Variants in CES3 observed in about 807,000 individuals in gnomAD.
CES3 encodes the protein carboxylesterase 3 (brain).
A neutral mutation model predicts 57.6 loss-of-function variants in CES3; 49 were observed. That is an observed-to-expected ratio of 0.85 (90% CI 0.68 to 1.08). The LOEUF (loss-of-function observed/expected upper bound fraction) is 1.08. Ranked by LOEUF, CES3 falls within the 50% of genes least tolerant of loss-of-function variation. CES3 has a pLI of 0.00. For missense variants in CES3, 645 were observed against 742.0 expected (o/e 0.87, Z 1.52); for synonymous variants, 266 against 281.6 (o/e 0.94, Z 0.55).
In CES3 at chr16:66,964,072, AC is replaced by A. The variant is rs981859834; in HGVS notation, c.560+143del. ...CATGATGTCTGAGGCAGAGAAGGGC[AC>A]CCCCCAAGCCTCCACCCTGGGAGAG... On this transcript the variant is annotated intron_variant, in intron 4 of 12. Coordinates refer to ENST00000303334, the MANE Select transcript of CES3 (RefSeq NM_024922.6). The A allele has an allele frequency of 1.9e-5, 25 of 1,322,312 alleles. No homozygotes were observed. In the African/African-American group the frequency reaches 2.1e-4, roughly 11 times the overall value. The allele number at this position is 1,322,312 out of a possible 1,614,324, so 81.9% of individuals were successfully genotyped here. A position where few individuals can be genotyped will look rare whatever the true frequency, so the allele number is the denominator to read the frequency against.
intron 9 of CES3, among the ~76,000 whole-genome samples, chr16:66,970,440 C>T (rs946337414): frequency 3.3e-5 from 5 of 152,246 alleles, no homozygotes; most frequent in African/African-American, 1.2e-4. Flanking sequence ...TTCTCGCTAG[C>T]CCCATTTTAC....
At chr16:66,969,862 A>G (rs111837355) in intron 9 of CES3, 103 bp downstream of exon 9, 24 of 981,012 alleles carry the variant, frequency 2.4e-5, no homozygotes, top group African/African-American at 1.9e-4. Flanking sequence ...CGACACCCAC[A>G]GCTACCCACC....
At chr16:66,971,367 G>A in intron 10 of CES3, 48 bp downstream of exon 10, 1 of 1,588,170 alleles carries the variant, frequency 6.3e-7, no homozygotes, top group African/African-American at 1.3e-5. Flanking sequence ...CTTGGGCCCA[G>A]GAGCTGGGTC....
chr16:66,972,160 A>G (rs1963844252), intron 10 of CES3, among the ~76,000 whole-genome samples, 196 bp from the exon 11 acceptor site: 1 of 152,180 alleles, frequency 6.6e-6, no homozygotes, highest in Admixed American at 6.5e-5. Context: ...TATTAAATTA[A>G]ATTAAAATGA....
At chr16:66,970,711 A>G (rs2145540285) in intron 9 of CES3, among the ~76,000 whole-genome samples, 1 of 152,326 alleles carries the variant, frequency 6.6e-6, no homozygotes, top group African/African-American at 2.4e-5. Context: ...TCTACCTGGG[A>G]TCTCAATACC....
rs1274285905 is a variant in CES3 at position 66,963,459 on chromosome 16, C to A, written c.288-32C>A. ...TGCTGCTGGGGCTTGTGGGGCTGAA[C>A]AGCTGGACCTCAGGCCCACCCTTGG... On this transcript the variant is annotated intron_variant, in intron 2 of 12. Transcript: ENST00000303334. This position sits in a 1 kb window ranked among gnomAD's most constrained non-coding sequence, Gnocchi z 4.9. 2 of 1,609,072 alleles carry A rather than the reference C, an allele frequency of 1.2e-6. No homozygotes were observed. The highest frequency in any genetic ancestry group is 1.7e-6 in the Non-Finnish European group (2 of 1,175,992).
chr16:66,971,973 C>T (rs898071491), intron 10 of CES3, among the ~76,000 whole-genome samples: 4 of 151,942 alleles, frequency 2.6e-5, no homozygotes, highest in Non-Finnish European at 5.9e-5. Context: ...AATCTCTACA[C>T]AAATTTTTTG....
Position 66,961,455 on chromosome 16 carries a change from A to C in CES3, c.82+66A>C, listed in dbSNP as rs954621000. On this transcript the variant is annotated intron_variant, in intron 1 of 12. Coordinates refer to ENST00000303334, the MANE Select transcript of CES3 (RefSeq NM_024922.6). ...GAGGAGTCAAGAGTGAGACAGGGAC[A>C]GGGAGCAGTGGGCCGACCGCTCAGG... 12 of 1,351,070 alleles carry C rather than the reference A, an allele frequency of 8.9e-6. No individual in the cohort carries two copies. In the African/African-American group the frequency reaches 1.6e-4, roughly 18 times the overall value. 83.7% of individuals were successfully genotyped at this position (1,351,070 alleles called of 1,614,324 possible).
Position 66,963,195 on chromosome 16 carries a change from G to A in CES3, c.99G>A (p.Gln33=), listed in dbSNP as rs1488247767. Residue 33 remains glutamine, a synonymous_variant, in exon 2 of 13, where the codon CAG becomes CAA. Coordinates refer to ENST00000303334, the MANE Select transcript of CES3 (RefSeq NM_024922.6). The surrounding 1 kb of genome is among the most constrained non-coding windows in gnomAD (Gnocchi z 4.9). The part of the protein sequence containing the change: ...PATATGPEVA[Q]PEVDTTLGRV... ...TTCCCTCAGGGCCCGAAGTTGCTCA[G>A]CCTGAAGTAGACACCACCCTGGGTC... is the stretch of plus-strand genomic sequence containing the variant. The A allele has an allele frequency of 6.2e-7, 1 of 1,614,252 alleles. No homozygotes were observed. The highest frequency in any genetic ancestry group is 8.5e-7 in the Non-Finnish European group (1 of 1,180,044).
Position 66,963,516 on chromosome 16 carries a change from A to T in CES3, c.313A>T (p.Asn105Tyr), listed in dbSNP as rs1334158472. ...PMCLQDVESM[N>Y]SSRFVLNGKQ... The stretch of plus-strand genomic sequence containing the variant: ...GTGCCTACAAGACGTGGAGAGCATG[A>T]ACAGCAGCAGATTTGTCCTCAACGG... The change falls in exon 3 of 13, where the codon AAC becomes TAC. Residue 105 changes from asparagine (N) to tyrosine (Y), a missense_variant. Physicochemically the swap from Asn to Tyr is moderately radical, Grantham distance 143. Coordinates refer to ENST00000303334, the MANE Select transcript of CES3 (RefSeq NM_024922.6). This position sits in a 1 kb window ranked among gnomAD's most constrained non-coding sequence, Gnocchi z 4.9. 3 of 1,614,078 alleles carry T rather than the reference A, an allele frequency of 1.9e-6. No homozygotes were observed. Among genetic ancestry groups the T allele is most frequent in the Non-Finnish European group, 2.5e-6 (3 of 1,179,946 alleles).
At chr16:66,961,846 G>T (rs1162876618) in intron 1 of CES3, among the ~76,000 whole-genome samples, 1 of 152,150 alleles carries the variant, frequency 6.6e-6, no homozygotes, top group African/African-American at 2.4e-5. Context: ...TTACAGGCGT[G>T]AGCCACCGCA....
At position 66,974,892 on chromosome 16, in the gene CES3, CTG is replaced by C. The variant is rs1963913057; in HGVS notation, c.*1845_*1846del. On this transcript the variant is annotated 3_prime_UTR_variant, in exon 13 of 13. Coordinates refer to ENST00000303334, the MANE Select transcript of CES3 (RefSeq NM_024922.6). Reference sequence around the variant, plus strand: ...CTTGGAGAACCTTTGTGTCCACACTCTGTATCTAGCTAATCTAGTGGGGATGT... The same window carrying C: ...CTTGGAGAACCTTTGTGTCCACACTCTATCTAGCTAATCTAGTGGGGATGT... 6.6e-6 allele frequency: 1 copy of C among 152,194 alleles called. No homozygotes were observed. The highest frequency in any genetic ancestry group is 2.4e-5 in the African/African-American group (1 of 41,438). 9.4% of individuals were successfully genotyped at this position (152,194 alleles called of 1,614,324 possible).
chr16:66,970,647 C>T (rs1963816432), intron 9 of CES3, among the ~76,000 whole-genome samples: 1 of 152,218 alleles, frequency 6.6e-6, no homozygotes, highest in South Asian at 2.1e-4. Context: ...ATGGGGATGA[C>T]ACTGCCCACT....
chr16:66,971,383 A>T lies in CES3; in HGVS notation c.1291+64A>T, dbSNP rs1009592037. 2.6e-6 allele frequency: 4 copies of T among 1,549,952 alleles called. No individual in the cohort carries two copies. In the African/African-American group the frequency reaches 5.4e-5, roughly 21 times the overall value. ...TTGGGCCCAGGAGCTGGGTCATCAC[A>T]GGTGACATGGCATGATAGGGTGCTG... On this transcript the variant is annotated intron_variant, in intron 10 of 12. Coordinates refer to ENST00000303334, the MANE Select transcript of CES3 (RefSeq NM_024922.6).
chr16:66,964,808 G>A lies in CES3; in HGVS notation c.819+81G>A, dbSNP rs577919484. 2.8e-5 allele frequency: 32 copies of A among 1,155,260 alleles called. No individual in the cohort carries two copies. The East Asian group carries it at 5.2e-4, about 19-fold the overall frequency. The allele number at this position is 1,155,260 out of a possible 1,614,324, so 71.6% of individuals were successfully genotyped here. ...GCTGGCCCTGGGGTCTCAGAGTAGC[G>A]GGGTTTGCTGGCAGGGAGCTCCCTG... On this transcript the variant is annotated intron_variant, in intron 6 of 12. Coordinates refer to ENST00000303334, the MANE Select transcript of CES3 (RefSeq NM_024922.6).
At chr16:66,962,048 C>T (rs978402837) in intron 1 of CES3, among the ~76,000 whole-genome samples, 1 of 152,136 alleles carries the variant, frequency 6.6e-6, no homozygotes, top group African/African-American at 2.4e-5. Flanking sequence ...GCAGAGGGAG[C>T]AGGGGGAAAA....
Position 66,963,085 on chromosome 16 carries a change from G to A in CES3, c.83-94G>A. The stretch of plus-strand genomic sequence containing the variant: ...GGGAAGGTTACCAAGATGCTGTGTG[G>A]TAAGTACTGAGAACAGCCTGAGGGT... On this transcript the variant is annotated intron_variant, in intron 1 of 12. Transcript: ENST00000303334. This position sits in a 1 kb window ranked among gnomAD's most constrained non-coding sequence, Gnocchi z 4.9. The A allele has an allele frequency of 7.6e-7, 1 of 1,308,652 alleles. No individual in the cohort carries two copies. Among genetic ancestry groups the A allele is most frequent in the Non-Finnish European group, 1.1e-6 (1 of 913,592 alleles). 81.1% of individuals were successfully genotyped at this position (1,308,652 alleles called of 1,614,324 possible).
chr16:66,972,227 G>A (rs1390162018), intron 10 of CES3, 129 bp from the exon 11 acceptor site: 5 of 948,350 alleles, frequency 5.3e-6, no homozygotes, highest in African/African-American at 5.0e-5. Flanking sequence ...GTAAATGTTT[G>A]CAGCTAGTCA....
chr16:66,968,157 T>C (rs576731954), intron 8 of CES3, among the ~76,000 whole-genome samples: 12 of 152,278 alleles, frequency 7.9e-5, no homozygotes, highest in Admixed American at 3.3e-4. Context: ...TTTTTTTGTT[T>C]GTTTGTTTGT....
Sources: allele counts gnomAD v4.1 joint callset (sites outside exome capture counted in the v4.1 genomes callset), GRCh38; gene constraint gnomAD v4.1.1; non-coding constraint Gnocchi (gnomAD v3.1); transcripts MANE v1.5; gene names NCBI Gene and HGNC (gene_info 2026-07-23, HGNC 2026-07-21).